Variants in SH2B3 observed in about 807,000 individuals in gnomAD.
SH2B3 encodes SH2B adapter protein 3.
Under a neutral mutation model 51.9 loss-of-function variants are expected in SH2B3, and 43 were observed. The ratio of observed to expected loss-of-function variants is 0.83; its 90% CI spans 0.65 to 1.07. The LOEUF is 1.07. Ranked by LOEUF, SH2B3 falls within the 50% of genes least tolerant of loss-of-function variation. SH2B3 has a pLI of 0.00. For missense variants in SH2B3, 952 were observed against 834.3 expected (o/e 1.14, Z -1.74); for synonymous variants, 396 against 376.0 (o/e 1.05, Z -0.62).
chr12:111,428,622 A>G (rs1311341725), intron 2 of SH2B3, among the ~76,000 whole-genome samples: 1 of 152,048 alleles, frequency 6.6e-6, no homozygotes, highest in South Asian at 2.1e-4. Flanking sequence ...TGATTTTGGG[A>G]GCACAAAGTC....
In SH2B3 at chr12:111,418,702, G is replaced by T. The variant is rs183913232; in HGVS notation, c.557G>T (p.Ser186Ile). Residue 186 changes from serine (S) to isoleucine (I), a missense_variant, in exon 2 of 8, where the codon AGC (serine) becomes ATC (isoleucine). Ser to Ile is a moderately radical substitution (Grantham distance 142, BLOSUM62 -2). Coordinates refer to ENST00000341259, the MANE Select transcript of SH2B3 (RefSeq NM_005475.3). The surrounding 1 kb of genome is among the most constrained non-coding windows in gnomAD (Gnocchi z 6.7). ...CTGGCCAAGAAGTTCCTGCCCTGGA[G>T]CCTGGCCCGGGAGCCGCCACCCGAG... ...PGLAKKFLPW[S>I]LAREPPPEAL... The T allele has an allele frequency of 6.4e-3, 9,554 of 1,486,858 alleles. 51 individuals are homozygous for T. The highest frequency in any genetic ancestry group is 8.0e-3 in the Middle Eastern group (35 of 4,370). The allele number at this position is 1,486,858 out of a possible 1,614,324, so 92.1% of individuals were successfully genotyped here. A position where few individuals can be genotyped will look rare whatever the true frequency, so the allele number is the denominator to read the frequency against.
intron 2 of SH2B3, among the ~76,000 whole-genome samples, chr12:111,440,020 G>A (rs1873258517): frequency 6.6e-6 from 1 of 152,172 alleles, no homozygotes. Context: ...GGCATCTGGG[G>A]GGAAGATGGG....
chr12:111,430,415 G>A (rs1399181439), intron 2 of SH2B3, among the ~76,000 whole-genome samples: 1 of 152,216 alleles, frequency 6.6e-6, no homozygotes, highest in Non-Finnish European at 1.5e-5. Flanking sequence ...AATCCAACAA[G>A]GGGGGAGGTA....
At chr12:111,436,798 C>A (rs1872917604) in intron 2 of SH2B3, among the ~76,000 whole-genome samples, 1 of 152,028 alleles carries the variant, frequency 6.6e-6, no homozygotes, top group South Asian at 2.1e-4. Context: ...CTCTGACATG[C>A]AGGAGGACCA....
chr12:111,414,611 C>T (rs1439356072), intron 1 of SH2B3, among the ~76,000 whole-genome samples: 2 of 151,632 alleles, frequency 1.3e-5, no homozygotes, highest in Admixed American at 6.6e-5. Flanking sequence ...AAAACATTGT[C>T]GACTCTGCAT....
Position 111,451,266 on chromosome 12 carries a change from TA to T in SH2B3, c.*2966del, listed in dbSNP as rs1230711377. 6.6e-6 allele frequency: 1 copy of T among 152,668 alleles called. No homozygotes were observed. The highest frequency in any genetic ancestry group is 1.5e-5 in the Non-Finnish European group (1 of 68,052). 9.5% of individuals were successfully genotyped at this position (152,668 alleles called of 1,614,324 possible). A position where few individuals can be genotyped will look rare whatever the true frequency, so the allele number is the denominator to read the frequency against. On this transcript the variant is annotated 3_prime_UTR_variant, in exon 8 of 8. Transcript: ENST00000341259. ...ACACTATTTTTACATAACAGTTTCT[TA>T]ACCTAAAGTCAAGGCCTTGGACTCT... is the stretch of plus-strand genomic sequence containing the variant.
intron 1 of SH2B3, among the ~76,000 whole-genome samples, chr12:111,412,009 G>C (rs558309448): frequency 6.6e-6 from 1 of 152,076 alleles, no homozygotes; most frequent in Non-Finnish European, 1.5e-5. Flanking sequence ...GGCTGACCAG[G>C]CTCCCCCGAA....
At chr12:111,415,933 GTATTTATTTATT>G (rs751252480) in intron 1 of SH2B3, among the ~76,000 whole-genome samples, 1 of 150,812 alleles carries the variant, frequency 6.6e-6, no homozygotes, top group African/African-American at 2.4e-5. Context: ...ATTTATTTAT[GTATTTATTTATT>G]TATTTATTTA....
chr12:111,414,589 C>CA (rs34941106), intron 1 of SH2B3, among the ~76,000 whole-genome samples: 1,578 of 129,762 alleles, frequency 0.012, 8 homozygotes, highest in African/African-American at 0.032. Flanking sequence ...GACCCTGTCT[C>CA]AAAAAAAAAA....
chr12:111,439,041 T>C (rs542779561), intron 2 of SH2B3, among the ~76,000 whole-genome samples: 67 of 152,290 alleles, frequency 4.4e-4, no homozygotes. Context: ...GGCGCAATCT[T>C]GGCTTACTGC....
At chr12:111,424,511 C>T (rs1244032396) in intron 2 of SH2B3, among the ~76,000 whole-genome samples, 1 of 152,136 alleles carries the variant, frequency 6.6e-6, no homozygotes, top group Non-Finnish European at 1.5e-5. Flanking sequence ...TGGTAGGGCC[C>T]CATCAGATTC....
Position 111,438,711 on chromosome 12 carries a change from G to A in SH2B3, c.733-8042G>A, listed in dbSNP as rs1344157520. On this transcript the variant is annotated intron_variant, in intron 2 of 7. Coordinates refer to ENST00000341259, the MANE Select transcript of SH2B3 (RefSeq NM_005475.3). The surrounding 1 kb of genome is among the most constrained non-coding windows in gnomAD (Gnocchi z 4.2). ...CATAGGACAACAGGCAGGGAAGGAA[G>A]TGAAGGGGCTTTGCGGCTCAGGATT... is the stretch of plus-strand genomic sequence containing the variant. 6.6e-6 allele frequency among the ~76,000 whole-genome samples: 1 copy of A among 152,222 alleles called. No homozygotes were observed. Among genetic ancestry groups the A allele is most frequent in the Non-Finnish European group, 1.5e-5 (1 of 68,030 alleles).
At chr12:111,437,168 G>T (rs1872953662) in intron 2 of SH2B3, among the ~76,000 whole-genome samples, 1 of 152,218 alleles carries the variant, frequency 6.6e-6, no homozygotes. Flanking sequence ...TGGGCCCAGA[G>T]GAGGTGCTTG....
rs111360561 is a variant in SH2B3, at chr12:111,418,784, C to T, written c.639C>T (p.Ser213=). Residue 213 remains serine, a synonymous_variant, in exon 2 of 8, where the codon AGC becomes AGT. Transcript: ENST00000341259. The surrounding 1 kb of genome is among the most constrained non-coding windows in gnomAD (Gnocchi z 6.7). ...TGGCCGACGAGGCCTCCATGGACAG[C>T]GGGGCACGCTGGCAGCGCGGGAGGC... The part of the protein sequence containing the change: ...YSLADEASMD[S]GARWQRGRLA... The T allele has an allele frequency of 1.8e-5, 27 of 1,465,808 alleles. No individual in the cohort carries two copies. The African/African-American group carries it at 2.4e-4, about 13-fold the overall frequency. 90.8% of individuals were successfully genotyped at this position (1,465,808 alleles called of 1,614,324 possible). A position where few individuals can be genotyped will look rare whatever the true frequency, so the allele number is the denominator to read the frequency against.
chr12:111,447,742 C>G lies in SH2B3; in HGVS notation c.1323C>G (p.Phe441Leu), dbSNP rs1158774660. The G allele has an allele frequency of 1.2e-6, 2 of 1,614,028 alleles. No individual in the cohort carries two copies. The highest frequency in any genetic ancestry group is 2.2e-5 in the East Asian group (1 of 44,892). ...CGGTCGTGGACATGCTCCACCACTT[C>G]CAGCGCTCGCCCATCCCACTCGAGT... The part of the protein sequence containing the change: ...FPSVVDMLHH[F>L]QRSPIPLECG... The change falls in exon 7 of 8, where the codon TTC (phenylalanine) becomes TTG (leucine). Residue 441 changes from phenylalanine to leucine, a missense_variant. Coordinates refer to ENST00000341259, the MANE Select transcript of SH2B3 (RefSeq NM_005475.3).
rs1277487212 is a variant in SH2B3, at chr12:111,429,002, C to A, written c.732+10125C>A. Among the ~76,000 whole-genome samples, 2 of 126,232 alleles carry A rather than the reference C, an allele frequency of 1.6e-5. No homozygotes were observed. The highest frequency in any genetic ancestry group is 5.8e-4 in the South Asian group (2 of 3,478). 82.8% of individuals were successfully genotyped at this position (126,232 alleles called of 152,430 possible). A position where few individuals can be genotyped will look rare whatever the true frequency, so the allele number is the denominator to read the frequency against. ...CGCCGGAGGCCTGGCGGTTTCCTCTCGGGGCAGGAGTGCGAGGAGGAGGAG... is the reference window on the plus strand; with the variant it reads ...CGCCGGAGGCCTGGCGGTTTCCTCTAGGGGCAGGAGTGCGAGGAGGAGGAG... On this transcript the variant is annotated intron_variant, in intron 2 of 7. Transcript: ENST00000341259. This position sits in a 1 kb window ranked among gnomAD's most constrained non-coding sequence, Gnocchi z 4.4.
Position 111,418,326 on chromosome 12 carries a change from G to T in SH2B3, c.181G>T (p.Glu61Ter). 6.6e-7 allele frequency: 1 copy of T among 1,526,052 alleles called. No individual in the cohort carries two copies. The highest frequency in any genetic ancestry group is 8.8e-7 in the Non-Finnish European group (1 of 1,142,408). The allele number at this position is 1,526,052 out of a possible 1,614,324, so 94.5% of individuals were successfully genotyped here. The change falls in exon 2 of 8, where the codon GAG (glutamate) becomes TAG (stop). Residue 61 changes from glutamate (E) to a stop codon, truncating the protein, a stop_gained. Coordinates refer to ENST00000341259, the MANE Select transcript of SH2B3 (RefSeq NM_005475.3). LOFTEE classifies it high-confidence loss of function. The surrounding 1 kb of genome is among the most constrained non-coding windows in gnomAD (Gnocchi z 6.7). The part of the protein sequence containing the change: ...EHPQHAPLRA[E>*]LVSLQFTDLF... ...TCCGCAGCACGCGCCGCTGCGCGCC[G>T]AGCTGGTGTCGCTGCAGTTCACCGA...
At position 111,448,067 on chromosome 12, in the gene SH2B3, T is replaced by C. The variant is rs939947819; in HGVS notation, c.1493T>C (p.Leu498Pro). Residue 498 changes from leucine to proline, a missense_variant, in exon 8 of 8, where the codon CTT (leucine) becomes CCT (proline). Coordinates refer to ENST00000341259, the MANE Select transcript of SH2B3 (RefSeq NM_005475.3). ...CCTCACTGGGGTTCAGAGTTGGGCC[T>C]TCCCCACCTTAGTTCTTCTGGCTGT... ...SLPHWGSELG[L>P]PHLSSSGCPR... 1.9e-6 allele frequency: 3 copies of C among 1,614,018 alleles called. No homozygotes were observed. In the Admixed American group the frequency reaches 5.0e-5, roughly 27 times the overall value.
intron 2 of SH2B3, among the ~76,000 whole-genome samples, chr12:111,428,977 CG>C (rs1337537967): frequency 1.3e-5 from 2 of 149,570 alleles, no homozygotes; most frequent in Non-Finnish European, 3.0e-5. Flanking sequence ...AAGGGACGTC[CG>C]CCGGAGGCCT....
Sources: allele counts gnomAD v4.1 joint callset (sites outside exome capture counted in the v4.1 genomes callset), GRCh38; gene constraint gnomAD v4.1.1; non-coding constraint Gnocchi (gnomAD v3.1); transcripts MANE v1.5; gene names NCBI Gene and HGNC (gene_info 2026-07-23, HGNC 2026-07-21).